RNLS: variants seen among roughly 807,000 people sequenced by gnomAD.
RNLS encodes the protein renalase.
In RNLS, 39 loss-of-function variants were observed where a neutral mutation model predicts 39.8. The observed-to-expected ratio is 0.98, with a 90% CI of 0.76 to 1.28. The LOEUF is 1.28. Among genes scored for constraint, RNLS ranks in the 50% most tolerant of loss-of-function variants. The probability of loss-of-function intolerance (pLI) is 0.00; values close to 1 mark genes in which losing one functional copy is unlikely to be tolerated. For synonymous variants in RNLS, 147 were observed against 150.7 expected (o/e 0.98, Z 0.18); for missense variants, 410 against 413.3 (o/e 0.99, Z 0.07).
chr10:88,581,661 CGAG>C lies in RNLS; in HGVS notation c.270_272del (p.Ser90_Ser91delinsArg). On this transcript the variant is annotated inframe_deletion, in exon 3 of 7. Coordinates refer to ENST00000331772, the MANE Select transcript of RNLS (RefSeq NM_001031709.3). ...CTTTCATCACCATTCCTTCAATAGG[CGAG>C]CTTAGAGGCCTCAAAACGCCATAGG... 3.7e-6 allele frequency: 6 copies of C among 1,601,238 alleles called. No individual in the cohort carries two copies. Among genetic ancestry groups the C allele is most frequent in the Non-Finnish European group, 5.1e-6 (6 of 1,173,818 alleles).
intron 4 of RNLS, among the ~76,000 whole-genome samples, chr10:88,444,582 A>T (rs972114479): frequency 1.3e-5 from 2 of 152,196 alleles, no homozygotes; most frequent in Non-Finnish European, 2.9e-5. Flanking sequence ...AAAAAAAATT[A>T]GACGAATGGC....
chr10:88,218,313 T>A, the RNLS span, among the ~76,000 whole-genome samples: 1 of 152,226 alleles, frequency 6.6e-6, no homozygotes, highest in Non-Finnish European at 1.5e-5. Flanking sequence ...ACCTTAGACA[T>A]TTCCAAGAAA....
chr10:88,487,162 C>T (rs190405129), intron 4 of RNLS, among the ~76,000 whole-genome samples: 4 of 152,094 alleles, frequency 2.6e-5, no homozygotes, highest in Admixed American at 6.6e-5. Context: ...CGCAAATTCA[C>T]GGAGACAAAG....
At chr10:88,295,342 T>C (rs1844005288) in intron 6 of RNLS, among the ~76,000 whole-genome samples, 1 of 152,212 alleles carries the variant, frequency 6.6e-6, no homozygotes, top group Non-Finnish European at 1.5e-5. Flanking sequence ...AATCATCTTA[T>C]GCTACAGTAC....
intron 4 of RNLS, among the ~76,000 whole-genome samples, chr10:88,516,469 G>A (rs1369391356): frequency 1.3e-5 from 2 of 151,728 alleles, no homozygotes; most frequent in Non-Finnish European, 2.9e-5. Context: ...TAATTCTTAC[G>A]GAATTAAGTC....
intron 5 of RNLS, among the ~76,000 whole-genome samples, chr10:88,330,092 A>ATATATATATATATATATATAT (rs750773423): frequency 2.2e-4 from 30 of 138,188 alleles, no homozygotes; most frequent in East Asian, 8.2e-4. Flanking sequence ...TATATATATA[A>ATATATATATATATATATATAT]ATATAAATAT....
rs750773423 is a variant in RNLS at position 88,330,092 on chromosome 10, A to ATATATATATAT, written c.701-15452_701-15451insATATATATATA. On this transcript the variant is annotated intron_variant, in intron 5 of 6. Coordinates refer to ENST00000331772, the MANE Select transcript of RNLS (RefSeq NM_001031709.3). ...TGAGATATATATATATATATATATA[A>ATATATATATAT]ATATAAATATATATACACACACTAT... 2.6e-4 allele frequency among the ~76,000 whole-genome samples: 36 copies of ATATATATATAT among 138,230 alleles called. No individual in the cohort carries two copies. In the South Asian group the frequency reaches 3.4e-3, roughly 13 times the overall value. The allele number at this position is 138,230 out of a possible 152,430, so 90.7% of individuals were successfully genotyped here.
chr10:88,462,264 G>A (rs895258546), intron 4 of RNLS, among the ~76,000 whole-genome samples: 1 of 151,974 alleles, frequency 6.6e-6, no homozygotes, highest in Non-Finnish European at 1.5e-5. Context: ...TGAGGCACAT[G>A]AGATATTTTG....
At chr10:88,314,427 G>C (rs754647168) in intron 6 of RNLS, 39 bp downstream of exon 6, 1 of 1,601,968 alleles carries the variant, frequency 6.2e-7, no homozygotes. Context: ...AGCCTGTTAA[G>C]AAAATTGTTG....
At chr10:88,406,782 T>C (rs765989233) in intron 4 of RNLS, among the ~76,000 whole-genome samples, 2 of 152,040 alleles carry the variant, frequency 1.3e-5, no homozygotes, top group Non-Finnish European at 2.9e-5. Flanking sequence ...CAATTCACAA[T>C]TGCAAAATCA....
intron 4 of RNLS, among the ~76,000 whole-genome samples, chr10:88,567,602 G>A (rs572754693): frequency 1.3e-5 from 2 of 152,204 alleles, no homozygotes; most frequent in South Asian, 4.2e-4. Flanking sequence ...AAATGTCATT[G>A]GCAACAAACT....
the RNLS span, among the ~76,000 whole-genome samples, chr10:88,188,700 A>T: frequency 6.6e-6 from 1 of 152,234 alleles, no homozygotes; most frequent in Non-Finnish European, 1.5e-5. Flanking sequence ...TTTTTTAAAA[A>T]GCTAGCTCCA....
At chr10:88,367,837 A>C (rs538174932) in intron 4 of RNLS, among the ~76,000 whole-genome samples, 1 of 151,952 alleles carries the variant, frequency 6.6e-6, no homozygotes, top group Admixed American at 6.6e-5. Flanking sequence ...ATCTTTGCCC[A>C]TTTTTCTTTT....
At chr10:88,234,460 G>C in the RNLS span, among the ~76,000 whole-genome samples, 1 of 152,300 alleles carries the variant, frequency 6.6e-6, no homozygotes, top group South Asian at 2.1e-4. Context: ...GGGAGGGCAA[G>C]TATTTGCCAA....
chr10:88,417,996 A>G (rs1294471351), intron 4 of RNLS, among the ~76,000 whole-genome samples: 1 of 152,160 alleles, frequency 6.6e-6, no homozygotes, highest in Admixed American at 6.5e-5. Flanking sequence ...TTTAAAATAC[A>G]TAAAAATATT....
At chr10:88,431,294 C>A (rs1191529031) in intron 4 of RNLS, among the ~76,000 whole-genome samples, 4 of 151,342 alleles carry the variant, frequency 2.6e-5, no homozygotes, top group Non-Finnish European at 5.9e-5. Context: ...TGTAGATATA[C>A]CAGTATCTCT....
chr10:88,325,958 C>A (rs746002453), intron 5 of RNLS, among the ~76,000 whole-genome samples: 2 of 152,154 alleles, frequency 1.3e-5, no homozygotes, highest in Non-Finnish European at 2.9e-5. Context: ...TTTTCTCTGT[C>A]CTGCCGCCAT....
At chr10:88,217,252 G>A in the RNLS span, among the ~76,000 whole-genome samples, 2 of 152,148 alleles carry the variant, frequency 1.3e-5, no homozygotes, top group East Asian at 1.9e-4. Context: ...AGCAAAGTTC[G>A]TCAAACGAAA....
At position 88,314,494 on chromosome 10, in the gene RNLS, G is replaced by A. The variant is rs1472836064; in HGVS notation, c.848C>T (p.Thr283Ile). ...ILPGLPQPIA[T>I]KCQKWRHSQV... ...TGAATGTCTCCATTTTTGGCATTTG[G>A]TAGCAATTGGCTGAGGCAAACCCGG... The change falls in exon 6 of 7, where the codon ACC becomes ATC. Residue 283 changes from threonine (T) to isoleucine (I), a missense_variant. Thr to Ile is a moderately conservative substitution (Grantham distance 89). Transcript: ENST00000331772. 3.1e-6 allele frequency: 5 copies of A among 1,613,544 alleles called. No individual in the cohort carries two copies. The highest frequency in any genetic ancestry group is 2.2e-5 in the East Asian group (1 of 44,876).
Sources: gnomAD v4.1 joint callset for allele counts (sites outside exome capture counted in the v4.1 genomes callset) on GRCh38, gnomAD v4.1.1 for gene constraint, MANE v1.5 for transcripts, NCBI Gene and HGNC (gene_info 2026-07-23, HGNC 2026-07-21) for gene names.